Variants in ADAMTS6 observed in about 807,000 individuals in gnomAD.
The protein encoded by ADAMTS6 is ADAM metallopeptidase with thrombospondin type 1 motif 6, also known as A disintegrin and metalloproteinase with thrombospondin motifs 6.
A neutral mutation model predicts 144.3 loss-of-function variants in ADAMTS6; 23 were observed. That is an observed-to-expected ratio of 0.16 (90% CI 0.11 to 0.23). The LOEUF is 0.23. ADAMTS6 is among the 10% of genes least tolerant of loss of function. ADAMTS6 has a pLI of 1.00. For missense variants in ADAMTS6, 999 were observed against 1,379.6 expected, an observed-to-expected ratio of 0.72 and a Z score of 4.37; for synonymous variants, 444 against 457.5, an observed-to-expected ratio of 0.97 and a Z score of 0.38.
chr5:65,474,857 T>C (rs1760738385), intron 1 of ADAMTS6, among the ~76,000 whole-genome samples: 1 of 142,904 alleles, frequency 7.0e-6, no homozygotes, highest in East Asian at 2.1e-4. Flanking sequence ...CCCAAAGTAA[T>C]ATAGTTTGGG....
intron 3 of ADAMTS6, among the ~76,000 whole-genome samples, chr5:65,464,911 A>G (rs773262903): frequency 2.6e-5 from 4 of 152,064 alleles, no homozygotes; most frequent in Non-Finnish European, 5.9e-5. Context: ...ACTGTCCTTC[A>G]CCCACCTCAT....
At chr5:65,232,305 C>G (rs1758310601) in intron 15 of ADAMTS6, among the ~76,000 whole-genome samples, 1 of 151,578 alleles carries the variant, frequency 6.6e-6, no homozygotes, top group Non-Finnish European at 1.5e-5. Context: ...TCTCAAGGAA[C>G]TAGAAAAGGA....
chr5:65,175,837 C>T (rs1042683469), intron 22 of ADAMTS6, among the ~76,000 whole-genome samples: 1 of 148,908 alleles, frequency 6.7e-6, no homozygotes, highest in African/African-American at 2.5e-5. Context: ...CCCTTCAGGA[C>T]AGGACAATCG....
At chr5:65,321,337 A>G (rs1164475687) in intron 9 of ADAMTS6, among the ~76,000 whole-genome samples, 1 of 151,536 alleles carries the variant, frequency 6.6e-6, no homozygotes, top group East Asian at 1.9e-4. Context: ...GTATGTATGT[A>G]TGTCTTGTTT....
At chr5:65,318,617 T>A (rs1457281812) in intron 9 of ADAMTS6, among the ~76,000 whole-genome samples, 1 of 152,134 alleles carries the variant, frequency 6.6e-6, no homozygotes, top group Non-Finnish European at 1.5e-5. Flanking sequence ...CTAAGCGAAA[T>A]AAGCCAGGCA....
chr5:65,159,496 G>A (rs1482026997), intron 24 of ADAMTS6, among the ~76,000 whole-genome samples: 2 of 152,096 alleles, frequency 1.3e-5, no homozygotes, highest in Admixed American at 6.6e-5. Flanking sequence ...CCCTGTGACT[G>A]CACACACTTG....
chr5:65,211,283 T>A (rs1756515214), intron 20 of ADAMTS6, among the ~76,000 whole-genome samples: 1 of 152,162 alleles, frequency 6.6e-6, no homozygotes, highest in South Asian at 2.1e-4. Context: ...CTCTATATCC[T>A]AGGAAATATT....
intron 7 of ADAMTS6, among the ~76,000 whole-genome samples, chr5:65,398,859 A>C (rs1314179956): frequency 2.7e-5 from 4 of 150,734 alleles, no homozygotes; most frequent in Non-Finnish European, 4.4e-5. Context: ...AAAAAGAAAG[A>C]GAAAGAAAGA....
At chr5:65,469,161 A>G (rs139820132) in intron 3 of ADAMTS6, among the ~76,000 whole-genome samples, 65 of 152,372 alleles carry the variant, frequency 4.3e-4, no homozygotes, top group African/African-American at 1.4e-3. Flanking sequence ...ATGTCAGGAA[A>G]GAAAAAATTA....
intron 7 of ADAMTS6, among the ~76,000 whole-genome samples, chr5:65,346,197 T>C (rs1258944196): frequency 1.3e-5 from 2 of 151,632 alleles, no homozygotes; most frequent in Non-Finnish European, 3.0e-5. Context: ...GAAAAGAAAA[T>C]TACAGGCAAA....
chr5:65,381,878 A>T (rs1000187114), intron 7 of ADAMTS6, among the ~76,000 whole-genome samples: 5 of 152,190 alleles, frequency 3.3e-5, no homozygotes, highest in Non-Finnish European at 5.9e-5. Flanking sequence ...AGCTCACTTG[A>T]TAAATGCCAT....
At chr5:65,318,834 A>G (rs1026347388) in intron 9 of ADAMTS6, among the ~76,000 whole-genome samples, 1 of 152,160 alleles carries the variant, frequency 6.6e-6, no homozygotes, top group African/African-American at 2.4e-5. Context: ...CAGGGTGGCT[A>G]TAATCAATAA....
chr5:65,410,593 T>G (rs1279449098), intron 7 of ADAMTS6, among the ~76,000 whole-genome samples: 2 of 152,152 alleles, frequency 1.3e-5, no homozygotes. Flanking sequence ...AATATTATCA[T>G]TAACTATAGC....
intron 7 of ADAMTS6, among the ~76,000 whole-genome samples, chr5:65,394,003 T>G (rs964292985): frequency 2.0e-5 from 3 of 152,150 alleles, no homozygotes; most frequent in African/African-American, 7.2e-5. Flanking sequence ...ATATATGAAG[T>G]GACAGAGTTA....
In ADAMTS6 at chr5:65,260,615, G is replaced by A. The variant is rs529528721; in HGVS notation, c.1815C>T (p.Arg605=). 2 of 1,613,452 alleles carry A rather than the reference G, an allele frequency of 1.2e-6. No individual in the cohort carries two copies. Among genetic ancestry groups the A allele is most frequent in the East Asian group, 2.2e-5 (1 of 44,788 alleles). ...KYCLGERKRY[R]SCNTDPCPLG... Reference sequence around the variant, plus strand: ...TTTTACTTACATCTGTGTTACAGGAGCGATACCGTTTCCTTTCCCCAAGGC... The same window carrying A: ...TTTTACTTACATCTGTGTTACAGGAACGATACCGTTTCCTTTCCCCAAGGC... Residue 605 remains arginine, a synonymous_variant, in exon 14 of 25, where the codon CGC becomes CGT. Transcript: ENST00000381055.
chr5:65,481,098 T>TA (rs1030758600), intron 1 of ADAMTS6, among the ~76,000 whole-genome samples: 117 of 123,430 alleles, frequency 9.5e-4, no homozygotes, highest in African/African-American at 4.0e-3. Context: ...AAAATAAACG[T>TA]ATTTTTTTTG....
At chr5:65,325,815 T>G (rs1319040959) in intron 9 of ADAMTS6, among the ~76,000 whole-genome samples, 2 of 152,128 alleles carry the variant, frequency 1.3e-5, no homozygotes, top group African/African-American at 4.8e-5. Context: ...ACTTTAAAAA[T>G]TCTCTCAATA....
chr5:65,192,178 A>T (rs1380238388), intron 21 of ADAMTS6, among the ~76,000 whole-genome samples: 1 of 151,968 alleles, frequency 6.6e-6, no homozygotes, highest in African/African-American at 2.4e-5. Context: ...AAACCTAGCC[A>T]CTGGATAAAA....
chr5:65,202,859 A>C (rs1755826775), intron 20 of ADAMTS6, among the ~76,000 whole-genome samples: 1 of 152,224 alleles, frequency 6.6e-6, no homozygotes, highest in Admixed American at 6.5e-5. Flanking sequence ...AAATGACCTA[A>C]GGCAAGTTTT....
Sources: allele counts gnomAD v4.1 joint callset (sites outside exome capture counted in the v4.1 genomes callset), GRCh38; gene constraint gnomAD v4.1.1; transcripts MANE v1.5; gene names NCBI Gene and HGNC (gene_info 2026-07-23, HGNC 2026-07-21).